Variants in CADM2 observed in about 807,000 individuals in gnomAD.
The protein encoded by CADM2 is immunoglobulin superfamily member 4D.
In CADM2, 12 loss-of-function variants were observed where a neutral mutation model predicts 49.8. That is an observed-to-expected ratio of 0.24 (90% confidence interval 0.15 to 0.39). The LOEUF (loss-of-function observed/expected upper bound fraction) is 0.39, where lower values mean the gene tolerates loss of function less well. Among genes scored for constraint, CADM2 ranks in the 10% least tolerant of loss-of-function variants. The pLI is 1.00. For missense variants in CADM2, 378 were observed against 492.3 expected (o/e 0.77, Z 2.20); for synonymous variants, 214 against 175.4 (o/e 1.22, Z -1.74).
intron 1 of CADM2, among the ~76,000 whole-genome samples, chr3:85,632,240 G>T (rs192878666): frequency 6.7e-4 from 102 of 152,136 alleles, no homozygotes; most frequent in Non-Finnish European, 3.4e-4. Flanking sequence ...TTTGCCTGCT[G>T]TCATTCACAT....
chr3:85,413,940 C>G lies in CADM2; in HGVS notation c.62-312582C>G, dbSNP rs573998521. Reference sequence around the variant, plus strand: ...AGTGCAGTGGTGGGATCTGGGCCCACTGCAACCTCTGCCTCCAGGGTTCAA... The same window carrying G: ...AGTGCAGTGGTGGGATCTGGGCCCAGTGCAACCTCTGCCTCCAGGGTTCAA... On this transcript the variant is annotated intron_variant, in intron 1 of 9. Coordinates refer to ENST00000383699, the MANE Select transcript of CADM2 (RefSeq NM_001167675.2). 6.6e-5 allele frequency among the ~76,000 whole-genome samples: 10 copies of G among 152,268 alleles called. No homozygotes were observed. In the South Asian group the frequency reaches 1.9e-3, roughly 28 times the overall value.
intron 1 of CADM2, among the ~76,000 whole-genome samples, chr3:85,079,578 T>G (rs2037082135): frequency 6.6e-6 from 1 of 151,854 alleles, no homozygotes; most frequent in Non-Finnish European, 1.5e-5. Flanking sequence ...TAGGAGTATT[T>G]AACCATGCTG....
At chr3:85,711,410 T>C (rs1001336619) in intron 1 of CADM2, among the ~76,000 whole-genome samples, 8 of 152,036 alleles carry the variant, frequency 5.3e-5, no homozygotes, top group African/African-American at 1.5e-4. Flanking sequence ...TGAATCCTTA[T>C]AGAATCACAG....
rs537733408 is a variant in CADM2 at position 86,032,288 on chromosome 3, A to T, written c.971-33317A>T. On this transcript the variant is annotated intron_variant, in intron 8 of 9. Transcript: ENST00000383699. ...CTGGTAATTTGTATGCCAGTTATCA[A>T]ACAGGTACATAAAGTTTAAAAACAG... is the stretch of plus-strand genomic sequence containing the variant. Among the ~76,000 whole-genome samples, 4 of 151,960 alleles carry T rather than the reference A, an allele frequency of 2.6e-5. No individual in the cohort carries two copies. In the South Asian group the frequency reaches 8.3e-4, roughly 32 times the overall value.
chr3:85,785,572 T>A (rs2070932563), intron 2 of CADM2, among the ~76,000 whole-genome samples: 1 of 152,040 alleles, frequency 6.6e-6, no homozygotes, highest in African/African-American at 2.4e-5. Flanking sequence ...CTTTATCCAA[T>A]ACCAAGTTTA....
chr3:85,452,345 A>T (rs966662166), intron 1 of CADM2, among the ~76,000 whole-genome samples: 1 of 152,268 alleles, frequency 6.6e-6, no homozygotes, highest in African/African-American at 2.4e-5. Context: ...GCCTTAAGAG[A>T]TTAAAACTAA....
intron 8 of CADM2, chr3:86,014,551 G>A (rs1731965836): frequency 1.3e-6 from 2 of 1,589,180 alleles, no homozygotes; most frequent in East Asian, 4.5e-5. Context: ...GCCTCTGAGA[G>A]TTACTATAAA....
chr3:85,692,764 T>C (rs6800957), intron 1 of CADM2, among the ~76,000 whole-genome samples: 63,796 of 151,946 alleles, frequency 0.42, 13,451 homozygotes, highest in South Asian at 0.49. Flanking sequence ...ATTATAATTT[T>C]TTTATCACAT....
chr3:85,267,983 TG>T (rs1423437121), intron 1 of CADM2, among the ~76,000 whole-genome samples: 2 of 151,446 alleles, frequency 1.3e-5, no homozygotes, highest in African/African-American at 2.4e-5. Flanking sequence ...GTAAATGCCA[TG>T]GATATATTGG....
At chr3:85,543,258 T>A (rs1576763188) in intron 1 of CADM2, among the ~76,000 whole-genome samples, 1 of 41,382 alleles carries the variant, frequency 2.4e-5, no homozygotes, top group South Asian at 7.8e-4. Flanking sequence ...TTATTTTTTA[T>A]TTTTATTTTT....
At chr3:85,097,401 G>T (rs1456771414) in intron 1 of CADM2, among the ~76,000 whole-genome samples, 1 of 152,122 alleles carries the variant, frequency 6.6e-6, no homozygotes, top group Non-Finnish European at 1.5e-5. Flanking sequence ...GTCTATCATT[G>T]TTGGACATTT....
chr3:85,096,985 A>C (rs999098991), intron 1 of CADM2, among the ~76,000 whole-genome samples: 11 of 152,018 alleles, frequency 7.2e-5, no homozygotes, highest in African/African-American at 2.7e-4. Context: ...CTTTGTATAG[A>C]GTTCCAGTTG....
chr3:85,986,450 A>T lies in CADM2; in HGVS notation c.970+24803A>T, dbSNP rs181878547. Among the ~76,000 whole-genome samples the T allele has an allele frequency of 5.9e-5, 9 of 152,194 alleles. No individual in the cohort carries two copies. The East Asian group carries it at 1.7e-3, about 29-fold the overall frequency. On this transcript the variant is annotated intron_variant, in intron 8 of 9. Coordinates refer to ENST00000383699, the MANE Select transcript of CADM2 (RefSeq NM_001167675.2). ...GAGATTCTATTATGAGTGTTTAGCT[A>T]TTAAAAATCTTTTTTGTTTTATTGG...
At chr3:86,045,212 A>AT (rs1166716894) in intron 8 of CADM2, among the ~76,000 whole-genome samples, 5 of 140,752 alleles carry the variant, frequency 3.6e-5, no homozygotes, top group South Asian at 2.2e-4. Flanking sequence ...TATAATAATA[A>AT]AAAAAAAAGA....
chr3:85,426,712 C>T (rs1345732815), intron 1 of CADM2, among the ~76,000 whole-genome samples: 1 of 151,952 alleles, frequency 6.6e-6, no homozygotes, highest in Non-Finnish European at 1.5e-5. Context: ...CTTTCAAATG[C>T]AGACTATCTT....
intron 1 of CADM2, among the ~76,000 whole-genome samples, chr3:85,257,766 A>T (rs896027423): frequency 6.6e-6 from 1 of 152,084 alleles, no homozygotes; most frequent in African/African-American, 2.4e-5. Context: ...TTTCTGTTAC[A>T]TGTGCATACT....
chr3:86,020,596 C>T (rs1241093986), intron 8 of CADM2, among the ~76,000 whole-genome samples: 2 of 151,632 alleles, frequency 1.3e-5, no homozygotes. Flanking sequence ...CAATAAAATA[C>T]TGGCAAAACG....
chr3:85,692,241 C>T (rs2066411357), intron 1 of CADM2, among the ~76,000 whole-genome samples: 1 of 152,132 alleles, frequency 6.6e-6, no homozygotes, highest in South Asian at 2.1e-4. Flanking sequence ...AAAGTTGAGC[C>T]TTCATTAGCC....
At chr3:85,861,270 C>G (rs1446288412) in intron 3 of CADM2, among the ~76,000 whole-genome samples, 2 of 152,136 alleles carry the variant, frequency 1.3e-5, no homozygotes, top group Non-Finnish European at 2.9e-5. Flanking sequence ...GCTTTTCAGT[C>G]TATTTCCAAT....
Sources: allele counts gnomAD v4.1 joint callset (sites outside exome capture counted in the v4.1 genomes callset), GRCh38; gene constraint gnomAD v4.1.1; transcripts MANE v1.5; gene names NCBI Gene and HGNC (gene_info 2026-07-23, HGNC 2026-07-21).